VAC14: variants seen among roughly 807,000 people sequenced by gnomAD.
VAC14 encodes VAC14 component of PIKFYVE complex.
VAC14 carries 47 observed loss-of-function variants against 85.3 expected under a neutral mutation model. The observed-to-expected ratio is 0.55, with a 90% CI of 0.44 to 0.70. The LOEUF (loss-of-function observed/expected upper bound fraction) is 0.70, where lower values mean the gene tolerates loss of function less well. Ranked by LOEUF, VAC14 falls within the 30% of genes least tolerant of loss-of-function variation. The pLI is 0.00. For synonymous variants in VAC14, 447 were observed against 430.5 expected (o/e 1.04, Z -0.47); for missense variants, 861 against 1,004.3 (o/e 0.86, Z 1.93).
intron 10 of VAC14, 143 bp downstream of exon 10, chr16:70,771,966 T>TA: frequency 1.4e-6 from 1 of 707,194 alleles, no homozygotes; most frequent in Non-Finnish European, 2.4e-6. Flanking sequence ...CTTCATCAAT[T>TA]AACTCTTTTG....
At chr16:70,755,221 A>G in intron 12 of VAC14, 1 of 346,416 alleles carries the variant, frequency 2.9e-6, no homozygotes. Context: ...TTCTGGACTG[A>G]GCCCTGGAGG....
At chr16:70,754,276 C>T (rs968644582) in intron 12 of VAC14, among the ~76,000 whole-genome samples, 3 of 152,200 alleles carry the variant, frequency 2.0e-5, no homozygotes, top group Non-Finnish European at 4.4e-5. Context: ...GGTAGAGGCC[C>T]TCTCAGTGGG....
At chr16:70,693,233 C>T (rs2053635114) in intron 17 of VAC14, among the ~76,000 whole-genome samples, 1 of 152,190 alleles carries the variant, frequency 6.6e-6, no homozygotes, top group Non-Finnish European at 1.5e-5. Context: ...TTTCCACCTG[C>T]CCACCTGCCT....
chr16:70,791,750 C>A (rs1329565366), intron 1 of VAC14, among the ~76,000 whole-genome samples: 2 of 152,174 alleles, frequency 1.3e-5, no homozygotes, highest in African/African-American at 2.4e-5. Flanking sequence ...TAGCACTAGG[C>A]CTCTCTCCGA....
chr16:70,773,029 T>C (rs1476072767), intron 9 of VAC14: 1 of 152,192 alleles, frequency 6.6e-6, no homozygotes, highest in Non-Finnish European at 1.5e-5. Flanking sequence ...GGCAAACCTA[T>C]GGAGACGGAA....
At chr16:70,694,687 A>G (rs1380266497) in intron 17 of VAC14, among the ~76,000 whole-genome samples, 1 of 152,218 alleles carries the variant, frequency 6.6e-6, no homozygotes, top group Non-Finnish European at 1.5e-5. Context: ...TCTGCACATT[A>G]TAAGCACATA....
rs1051693654 is a variant in VAC14 at position 70,762,146 on chromosome 16, C to T, written c.1371+394G>A. On this transcript the variant is annotated intron_variant, in intron 12 of 18. Coordinates refer to ENST00000261776, the MANE Select transcript of VAC14 (RefSeq NM_018052.5). The surrounding 1 kb of genome is among the most constrained non-coding windows in gnomAD (Gnocchi z 4.1). ...TTTTTGAGACAGGGTCTCACTCTGT[C>T]GCCCAAGCTGGAGTGCAGTGGCACG... 1.3e-5 allele frequency among the ~76,000 whole-genome samples: 2 copies of T among 151,924 alleles called. No homozygotes were observed. The highest frequency in any genetic ancestry group is 2.1e-4 in the South Asian group (1 of 4,816).
At position 70,772,179 on chromosome 16, in the gene VAC14, G is replaced by C. The variant is rs1367097664; in HGVS notation, c.1097-7C>G. The C allele has an allele frequency of 6.2e-7, 1 of 1,613,840 alleles. No individual in the cohort carries two copies. Reference sequence around the variant, plus strand: ...CAGGAACCATCTGGACCTCCTGGGAGAGGAAGAGGAACAAGGGGTCATGAA... The same window carrying C: ...CAGGAACCATCTGGACCTCCTGGGACAGGAAGAGGAACAAGGGGTCATGAA... On this transcript the variant is annotated splice_polypyrimidine_tract_variant and splice_region_variant and intron_variant, in intron 9 of 18. Transcript: ENST00000261776.
Position 70,731,587 on chromosome 16 carries a change from C to A in VAC14, c.1569G>T (p.Met523Ile). 6.2e-7 allele frequency: 1 copy of A among 1,614,114 alleles called. No homozygotes were observed. Among genetic ancestry groups the A allele is most frequent in the South Asian group, 1.1e-5 (1 of 91,086 alleles). ...GLECSPSTPT[M>I]NSYFYKFMIN... ...TCATGAACTTATAAAAGTAAGAATTCATGGTGGGAGTTGAAGGAGAACATT... is the reference window on the plus strand; with the variant it reads ...TCATGAACTTATAAAAGTAAGAATTAATGGTGGGAGTTGAAGGAGAACATT... The change falls in exon 14 of 19, where the codon ATG becomes ATT. Residue 523 changes from methionine to isoleucine, a missense_variant. Met to Ile is a conservative substitution (Grantham distance 10). Around this residue, in one of 3 missense-constraint regions of VAC14, gnomAD observed 629 missense variants for 703.1 expected, o/e 0.89. Transcript: ENST00000261776.
chr16:70,788,336 C>A (rs994640954), intron 1 of VAC14, among the ~76,000 whole-genome samples: 1 of 152,220 alleles, frequency 6.6e-6, no homozygotes, highest in Non-Finnish European at 1.5e-5. Context: ...AGGCACTGTT[C>A]ACGCAAGAGG....
intron 14 of VAC14, among the ~76,000 whole-genome samples, chr16:70,725,682 C>G (rs16970463): frequency 0.04 from 6,154 of 152,234 alleles, 347 homozygotes; most frequent in African/African-American, 0.13. Flanking sequence ...GAGAGGAGGC[C>G]CAGAATGAAC....
chr16:70,799,088 A>G (rs2034661017), intron 1 of VAC14, among the ~76,000 whole-genome samples: 1 of 152,244 alleles, frequency 6.6e-6, no homozygotes, highest in African/African-American at 2.4e-5. Flanking sequence ...GGAAGCAACA[A>G]TAATGTTGAG....
chr16:70,744,281 C>T, intron 13 of VAC14, 142 bp downstream of exon 13: 2 of 1,240,856 alleles, frequency 1.6e-6, no homozygotes, highest in Non-Finnish European at 2.2e-6. Flanking sequence ...GGGAGATCGC[C>T]AGTAGCAACC....
Position 70,785,592 on chromosome 16 carries a change from T to C in VAC14, c.423+110A>G, listed in dbSNP as rs944970743. The C allele has an allele frequency of 3.6e-5, 48 of 1,327,338 alleles. No homozygotes were observed. The African/African-American group carries it at 4.1e-4, about 11-fold the overall frequency. 82.2% of individuals were successfully genotyped at this position (1,327,338 alleles called of 1,614,324 possible). A position where few individuals can be genotyped will look rare whatever the true frequency, so the allele number is the denominator to read the frequency against. On this transcript the variant is annotated intron_variant, in intron 3 of 18. Coordinates refer to ENST00000261776, the MANE Select transcript of VAC14 (RefSeq NM_018052.5). ...ACAGTAAGTGTCCCTTGCAGCCACA[T>C]GCTTGTTTGCTCTGCTTGCATCTGG...
At chr16:70,749,421 A>G (rs1290844613) in intron 12 of VAC14, among the ~76,000 whole-genome samples, 1 of 152,280 alleles carries the variant, frequency 6.6e-6, no homozygotes, top group Non-Finnish European at 1.5e-5. Context: ...TGCACAATTA[A>G]AGCCGGAAAT....
intron 14 of VAC14, among the ~76,000 whole-genome samples, chr16:70,722,254 C>T (rs1363678390): frequency 6.6e-6 from 1 of 152,238 alleles, no homozygotes; most frequent in Non-Finnish European, 1.5e-5. Context: ...ATCCAGGACT[C>T]TTCCCCGGGC....
chr16:70,762,822 C>T lies in VAC14; in HGVS notation c.1305+59G>A, dbSNP rs1396156042. ...AAAATGCTACCAACTATGGGCAGGC[C>T]CTGGAAAACCAAGGCGGACCCAGAA... On this transcript the variant is annotated intron_variant, in intron 11 of 18. Coordinates refer to ENST00000261776, the MANE Select transcript of VAC14 (RefSeq NM_018052.5). This position sits in a 1 kb window ranked among gnomAD's most constrained non-coding sequence, Gnocchi z 4.1. 8 of 1,610,738 alleles carry T rather than the reference C, an allele frequency of 5.0e-6. No homozygotes were observed. The South Asian group carries it at 8.8e-5, about 18-fold the overall frequency.
At chr16:70,761,572 G>A (rs7189086) in intron 12 of VAC14, among the ~76,000 whole-genome samples, 2 of 152,226 alleles carry the variant, frequency 1.3e-5, no homozygotes, top group Non-Finnish European at 2.9e-5. Context: ...CAATGGGCAT[G>A]GCTGAGAATG....
At chr16:70,788,585 A>T (rs1330851331) in intron 1 of VAC14, among the ~76,000 whole-genome samples, 3 of 152,196 alleles carry the variant, frequency 2.0e-5, no homozygotes, top group Non-Finnish European at 4.4e-5. Context: ...TGGTCTCCCA[A>T]ACTGGACAAA....
Sources: gnomAD v4.1 joint callset for allele counts (sites outside exome capture counted in the v4.1 genomes callset) on GRCh38, gnomAD v4.1.1 for gene constraint, gnomAD v4.1.1 regional missense constraint, Gnocchi (gnomAD v3.1) non-coding constraint, MANE v1.5 for transcripts, NCBI Gene and HGNC (gene_info 2026-07-23, HGNC 2026-07-21) for gene names.